Variants in RNF130 observed in about 807,000 individuals in gnomAD.
RNF130 encodes the protein E3 ubiquitin-protein ligase RNF130.
A neutral mutation model predicts 44.6 loss-of-function variants in RNF130; 21 were observed. The ratio of observed to expected loss-of-function variants is 0.47; its 90% confidence interval spans 0.33 to 0.68. The LOEUF (loss-of-function observed/expected upper bound fraction) is 0.68, where lower values mean the gene tolerates loss of function less well. RNF130 is among the 30% of genes least tolerant of loss of function. RNF130 has a pLI of 0.02. For synonymous variants in RNF130, 214 were observed against 210.4 expected (o/e 1.02, Z -0.15); for missense variants, 479 against 560.6 (o/e 0.85, Z 1.47).
At chr5:180,001,080 T>C (rs1046944369) in intron 3 of RNF130, among the ~76,000 whole-genome samples, 2 of 152,180 alleles carry the variant, frequency 1.3e-5, no homozygotes, top group Non-Finnish European at 2.9e-5. Flanking sequence ...AAGGGTGTGG[T>C]GACTATTTCT....
chr5:180,029,749 A>G (rs989714355), intron 2 of RNF130, among the ~76,000 whole-genome samples: 1 of 151,874 alleles, frequency 6.6e-6, no homozygotes, highest in African/African-American at 2.4e-5. Context: ...TATGTCTAGA[A>G]CAGGCTGACC....
At chr5:180,071,126 G>A (rs1381046673) in intron 1 of RNF130, among the ~76,000 whole-genome samples, 3 of 152,222 alleles carry the variant, frequency 2.0e-5, no homozygotes, top group Non-Finnish European at 2.9e-5. Context: ...TCCTCCCCAT[G>A]AAGTAGTTTT....
intron 7 of RNF130, among the ~76,000 whole-genome samples, chr5:179,921,680 C>T (rs537880958): frequency 6.6e-6 from 1 of 152,210 alleles, no homozygotes; most frequent in South Asian, 2.1e-4. Flanking sequence ...GCTTGTAGTC[C>T]CAGCTACTTG....
Position 180,053,772 on chromosome 5 carries a change from C to T in RNF130, c.248-13125G>A, listed in dbSNP as rs75530468. Among the ~76,000 whole-genome samples the T allele has an allele frequency of 5.7e-4, 87 of 151,736 alleles. No individual in the cohort carries two copies. In the East Asian group the frequency reaches 0.014, roughly 24 times the overall value. On this transcript the variant is annotated intron_variant, in intron 1 of 8. Transcript: ENST00000521389. ...AATAACCTGAGAACTGCAACAAGCA[C>T]GGCTACATGACACTGACAATGAGTG...
intron 1 of RNF130, among the ~76,000 whole-genome samples, chr5:180,060,851 C>T (rs974308242): frequency 7.2e-5 from 11 of 152,160 alleles, no homozygotes; most frequent in African/African-American, 2.7e-4. Context: ...GGGCGGATCA[C>T]GAGGTCGGGC....
At chr5:179,966,360 G>T (rs1762445621) in intron 7 of RNF130, among the ~76,000 whole-genome samples, 1 of 152,112 alleles carries the variant, frequency 6.6e-6, no homozygotes, top group South Asian at 2.1e-4. Context: ...TATGTTCCAA[G>T]AACTGTGAAT....
At chr5:180,065,699 G>A (rs1765088978) in intron 1 of RNF130, among the ~76,000 whole-genome samples, 1 of 151,620 alleles carries the variant, frequency 6.6e-6, no homozygotes, top group South Asian at 2.1e-4. Context: ...GACAGAGGTT[G>A]CAGTGTGCCA....
chr5:179,979,893 A>G (rs1032329840), intron 4 of RNF130, among the ~76,000 whole-genome samples: 4 of 152,194 alleles, frequency 2.6e-5, no homozygotes, highest in Non-Finnish European at 5.9e-5. Flanking sequence ...TTAACGCACA[A>G]ATGGTCCCAC....
intron 3 of RNF130, among the ~76,000 whole-genome samples, chr5:179,987,271 C>G (rs1221966212): frequency 6.6e-6 from 1 of 152,060 alleles, no homozygotes; most frequent in Admixed American, 6.6e-5. Flanking sequence ...GGGCTCAATC[C>G]ATCCTCCTGC....
Position 179,934,803 on chromosome 5 carries a change from C to T in RNF130, c.1151-14377G>A, listed in dbSNP as rs1455231633. ...TGTGATCCTCCATGCCTCAGCCTCC[C>T]GGGTCACGTAATTCCAGGATTACAG... On this transcript the variant is annotated intron_variant, in intron 7 of 7. Coordinates refer to the RNF130 transcript ENST00000522208. 4.6e-5 allele frequency among the ~76,000 whole-genome samples: 7 copies of T among 152,166 alleles called. No individual in the cohort carries two copies. In the East Asian group the frequency reaches 5.8e-4, roughly 13 times the overall value.
intron 7 of RNF130, among the ~76,000 whole-genome samples, chr5:179,922,532 C>G (rs866847152): frequency 1.3e-5 from 2 of 151,178 alleles, no homozygotes; most frequent in African/African-American, 2.4e-5. Flanking sequence ...AGGCTGGTCT[C>G]GAACTCCTGA....
At chr5:180,059,853 T>C (rs1399519231) in intron 1 of RNF130, among the ~76,000 whole-genome samples, 3 of 152,160 alleles carry the variant, frequency 2.0e-5, no homozygotes, top group Non-Finnish European at 4.4e-5. Context: ...CTCAAAGACG[T>C]CCATCTCCCA....
At chr5:180,004,300 G>A (rs1763414649) in intron 3 of RNF130, among the ~76,000 whole-genome samples, 3 of 152,242 alleles carry the variant, frequency 2.0e-5, no homozygotes, top group African/African-American at 7.2e-5. Context: ...TTCACACTGT[G>A]CCCTATTCCT....
intron 3 of RNF130, among the ~76,000 whole-genome samples, chr5:179,996,932 G>C (rs1046203197): frequency 1.3e-5 from 2 of 152,140 alleles, no homozygotes; most frequent in African/African-American, 4.8e-5. Flanking sequence ...TGCAGTGAAG[G>C]AATCAAGTGC....
downstream of RNF130, among the ~76,000 whole-genome samples, chr5:179,953,239 ATTG>A (rs1269145213): frequency 2.6e-5 from 4 of 152,092 alleles, no homozygotes; most frequent in African/African-American, 9.7e-5. Context: ...GGAAGACAAT[ATTG>A]TTGAGACAGC....
intron 7 of RNF130, among the ~76,000 whole-genome samples, chr5:179,943,413 A>T (rs181047162): frequency 4.4e-4 from 67 of 152,344 alleles, no homozygotes; most frequent in African/African-American, 1.6e-3. Flanking sequence ...GGAGGGCCTG[A>T]CGTGGACTTT....
chr5:179,973,239 A>G (rs1762626499), intron 5 of RNF130, among the ~76,000 whole-genome samples: 1 of 151,966 alleles, frequency 6.6e-6, no homozygotes, highest in Non-Finnish European at 1.5e-5. Flanking sequence ...CCTCGCTTCC[A>G]CAAAGCTGGG....
At chr5:179,996,394 T>G (rs983736801) in intron 3 of RNF130, among the ~76,000 whole-genome samples, 4 of 152,264 alleles carry the variant, frequency 2.6e-5, no homozygotes, top group Non-Finnish European at 5.9e-5. Context: ...TCCTGTGTTT[T>G]TCCACATCTT....
At chr5:179,911,698 C>T (rs1409275409) in exon 8 of RNF130, 1 of 152,250 alleles carries the variant, frequency 6.6e-6, no homozygotes, top group East Asian at 1.9e-4. Flanking sequence ...TTAGCAAATT[C>T]TGCACATACG....
Sources: gnomAD v4.1 joint callset for allele counts (sites outside exome capture counted in the v4.1 genomes callset) on GRCh38, gnomAD v4.1.1 for gene constraint, MANE v1.5 for transcripts, NCBI Gene and HGNC (gene_info 2026-07-23, HGNC 2026-07-21) for gene names.